The following TMEM144 variants were observed in gnomAD, a reference collection of about 807,000 sequenced individuals.
TMEM144 encodes transmembrane protein 144.
A neutral mutation model predicts 43.6 loss-of-function variants in TMEM144; 39 were observed. That is an observed-to-expected ratio of 0.90 (90% CI 0.69 to 1.17). TMEM144 has a LOEUF of 1.17. Among genes scored for constraint, TMEM144 ranks in the 50% most tolerant of loss-of-function variants. The pLI, the probability that TMEM144 is intolerant of heterozygous loss-of-function variation, is 0.00. For missense variants in TMEM144, 417 were observed against 411.9 expected (o/e 1.01, Z -0.11); for synonymous variants, 154 against 133.6 (o/e 1.15, Z -1.06).
intron 3 of TMEM144, 55 bp downstream of exon 3, chr4:158,212,831 T>C: frequency 1.5e-6 from 2 of 1,346,860 alleles, no homozygotes; most frequent in East Asian, 2.4e-5. Context: ...ATGAAGTTCC[T>C]TTTTTGGTCT....
chr4:158,244,452 G>A (rs534079184), intron 12 of TMEM144, 103 bp downstream of exon 12: 18 of 869,378 alleles, frequency 2.1e-5, no homozygotes, highest in African/African-American at 8.6e-5. Flanking sequence ...CAGGTGGATC[G>A]TGAGGTTAGG....
chr4:158,210,500 T>C lies in TMEM144; in HGVS notation c.-269T>C, dbSNP rs1057446775. ...GCCCCCAGCACGTAGAGGGAATGAG[T>C]CAGGCTCCGGCTCCACACTGGCACG... is the stretch of plus-strand genomic sequence containing the variant. On this transcript the variant is annotated 5_prime_UTR_variant, in exon 1 of 13. Transcript: ENST00000296529. The C allele has an allele frequency of 1.3e-5, 2 of 152,222 alleles. No individual in the cohort carries two copies. The highest frequency in any genetic ancestry group is 2.9e-5 in the Non-Finnish European group (2 of 68,140). The allele number at this position is 152,222 out of a possible 1,614,324, so 9.4% of individuals were successfully genotyped here. A position where few individuals can be genotyped will look rare whatever the true frequency, so the allele number is the denominator to read the frequency against.
At chr4:158,245,293 C>T (rs752102976) in intron 12 of TMEM144, among the ~76,000 whole-genome samples, 43 of 147,338 alleles carry the variant, frequency 2.9e-4, no homozygotes, top group Non-Finnish European at 5.1e-4. Flanking sequence ...ATCACTTTGC[C>T]GAGCATGGTG....
intron 11 of TMEM144, among the ~76,000 whole-genome samples, chr4:158,243,488 G>A (rs3805144): frequency 0.63 from 95,341 of 151,930 alleles, 30,260 homozygotes; most frequent in East Asian, 0.86. Context: ...GGAGTTTGAA[G>A]AGCAATCATA....
At position 158,215,311 on chromosome 4, in the gene TMEM144, C is replaced by T. The variant is rs1464339253; in HGVS notation, c.230C>T (p.Thr77Ile). The change falls in exon 4 of 13, where the codon ACA becomes ATA. Residue 77 changes from threonine (T) to isoleucine (I), a missense_variant and splice_region_variant. Transcript: ENST00000296529. The part of the protein sequence containing the change: ...FAMLGGCIWA[T>I]GNIAVVPIIK... Reference sequence around the variant, plus strand: ...ATGCTTGGGGGCTGCATTTGGGCAACAGGTAATGTCTGATATAACTTATAC... The same window carrying T: ...ATGCTTGGGGGCTGCATTTGGGCAATAGGTAATGTCTGATATAACTTATAC... 1 of 1,613,324 alleles carries T rather than the reference C, an allele frequency of 6.2e-7. No individual in the cohort carries two copies. The highest frequency in any genetic ancestry group is 8.5e-7 in the Non-Finnish European group (1 of 1,179,632).
chr4:158,219,414 T>G (rs1209896240), intron 6 of TMEM144, 24 bp downstream of exon 6: 1 of 1,603,922 alleles, frequency 6.2e-7, no homozygotes, highest in Non-Finnish European at 8.5e-7. Context: ...TCTAGTGATT[T>G]TGCTGTTCTT....
At chr4:158,227,278 A>AT (rs549504083) in intron 6 of TMEM144, among the ~76,000 whole-genome samples, 30 of 151,614 alleles carry the variant, frequency 2.0e-4, no homozygotes, top group Non-Finnish European at 3.4e-4. Context: ...TTTTTGTTTT[A>AT]TTTTTTTTCT....
At chr4:158,227,337 C>T (rs1054492077) in intron 6 of TMEM144, among the ~76,000 whole-genome samples, 4 of 152,032 alleles carry the variant, frequency 2.6e-5, no homozygotes, top group Non-Finnish European at 2.9e-5. Flanking sequence ...GGGCCATCCA[C>T]GGGTTACTGG....
chr4:158,226,010 C>A (rs1031637103), intron 6 of TMEM144, among the ~76,000 whole-genome samples: 1 of 152,168 alleles, frequency 6.6e-6, no homozygotes, highest in Admixed American at 6.5e-5. Context: ...CTTAGTGGAG[C>A]GGGGGACAAT....
At position 158,210,548 on chromosome 4, in the gene TMEM144, C is replaced by T. The variant is rs541768784; in HGVS notation, c.-221C>T. 1 of 152,406 alleles carries T rather than the reference C, an allele frequency of 6.6e-6. No homozygotes were observed. The highest frequency in any genetic ancestry group is 2.1e-4 in the South Asian group (1 of 4,828). The allele number at this position is 152,406 out of a possible 1,614,324, so 9.4% of individuals were successfully genotyped here. On this transcript the variant is annotated 5_prime_UTR_variant, in exon 1 of 13. Transcript: ENST00000296529. ...ACGTAGTGGGCGGATCGCGCCGGCG[C>T]TGAGTAGGAAGGAGCTTCAGCCGCC... is the stretch of plus-strand genomic sequence containing the variant.
At chr4:158,226,019 A>G (rs1478537061) in intron 6 of TMEM144, among the ~76,000 whole-genome samples, 1 of 152,260 alleles carries the variant, frequency 6.6e-6, no homozygotes, top group Non-Finnish European at 1.5e-5. Flanking sequence ...GCGGGGGACA[A>G]TCTGGGCCTC....
chr4:158,228,730 T>G (rs1475765059), intron 6 of TMEM144, among the ~76,000 whole-genome samples: 1 of 152,020 alleles, frequency 6.6e-6, no homozygotes, highest in East Asian at 1.9e-4. Context: ...TCACCTCGCT[T>G]CCCGGTCAGG....
intron 6 of TMEM144, among the ~76,000 whole-genome samples, chr4:158,220,352 G>A (rs1431672317): frequency 1.3e-5 from 2 of 152,122 alleles, no homozygotes; most frequent in African/African-American, 4.8e-5. Flanking sequence ...GCTCTGAATA[G>A]CTCTCTCAAA....
intron 6 of TMEM144, among the ~76,000 whole-genome samples, chr4:158,231,321 A>G (rs1193039945): frequency 6.6e-6 from 1 of 152,122 alleles, no homozygotes; most frequent in African/African-American, 2.4e-5. Flanking sequence ...GGTGAGTGGA[A>G]GCCATCAAGG....
Position 158,215,359 on chromosome 4 carries a change from A to G in TMEM144, c.232+46A>G, listed in dbSNP as rs139045150. 1.8e-3 allele frequency: 2,948 copies of G among 1,595,892 alleles called. 40 individuals carry two copies. Among genetic ancestry groups the G allele is most frequent in the East Asian group, 9.0e-3 (397 of 44,214 alleles). ...TACTTTTATTATGTAACATAATGAT[A>G]AAAATAATTCTCGTTCACAATAGGA... On this transcript the variant is annotated intron_variant, in intron 4 of 12. Transcript: ENST00000296529.
At chr4:158,248,135 A>C (rs1219672749) in intron 12 of TMEM144, among the ~76,000 whole-genome samples, 1 of 151,240 alleles carries the variant, frequency 6.6e-6, no homozygotes, top group Non-Finnish European at 1.5e-5. Flanking sequence ...AAAAAAAAAA[A>C]AAAAAAAAAA....
chr4:158,215,201 C>G lies in TMEM144; in HGVS notation c.120C>G (p.Leu40=). 8.1e-6 allele frequency: 13 copies of G among 1,613,702 alleles called. No individual in the cohort carries two copies. The highest frequency in any genetic ancestry group is 1.1e-5 in the Non-Finnish European group (13 of 1,179,694). ...TTTGTTTATTTCTAGGAATGTTTCT[C>G]CAGTGGGTTCTTTGTGCTGCCATAT... ...KKFDTGDGMF[L]QWVLCAAIWL... Residue 40 remains leucine, a synonymous_variant, in exon 4 of 13, where the codon CTC becomes CTG. Coordinates refer to ENST00000296529, the MANE Select transcript of TMEM144 (RefSeq NM_018342.5).
Position 158,244,324 on chromosome 4 carries a change from G to A in TMEM144, c.929G>A (p.Gly310Asp), listed in dbSNP as rs138723611. 1.9e-6 allele frequency: 3 copies of A among 1,608,064 alleles called. No homozygotes were observed. The highest frequency in any genetic ancestry group is 4.5e-5 in the East Asian group (2 of 44,540). Residue 310 changes from glycine (G) to aspartate (D), a missense_variant, in exon 12 of 13, where the codon GGT becomes GAT. Gly to Asp is a moderately conservative substitution (Grantham distance 94). Coordinates refer to ENST00000296529, the MANE Select transcript of TMEM144 (RefSeq NM_018342.5). ...AGPGFIAAMW[G>D]IFMFKEIKGL... ...CCAGGATTTATAGCTGCAATGTGGG[G>A]TATCTTCATGTTTAAGGAAATAAAG...
At chr4:158,231,594 G>GT (rs1217670969) in intron 6 of TMEM144, among the ~76,000 whole-genome samples, 1 of 151,666 alleles carries the variant, frequency 6.6e-6, no homozygotes, top group African/African-American at 2.4e-5. Flanking sequence ...CCAAGGGGAA[G>GT]TTTTTTTTTA....
Sources: allele counts gnomAD v4.1 joint callset (sites outside exome capture counted in the v4.1 genomes callset), GRCh38; gene constraint gnomAD v4.1.1; transcripts MANE v1.5; gene names NCBI Gene and HGNC (gene_info 2026-07-23, HGNC 2026-07-21).